The following ZMYND11 variants were observed in gnomAD, a reference collection of about 807,000 sequenced individuals.
ZMYND11 encodes the protein zinc finger MYND domain-containing protein 11.
In ZMYND11, 9 loss-of-function variants were observed where a neutral mutation model predicts 84.9. The ratio of observed to expected loss-of-function variants is 0.11; its 90% CI spans 0.06 to 0.18. The LOEUF (loss-of-function observed/expected upper bound fraction) is 0.18. Ranked by LOEUF, ZMYND11 falls within the 10% of genes least tolerant of loss-of-function variation. ZMYND11 has a pLI of 1.00. For missense variants in ZMYND11, 409 were observed against 761.0 expected (o/e 0.54, Z 5.44); for synonymous variants, 250 against 244.1 (o/e 1.02, Z -0.23).
chr10:241,508 T>TTCTC (rs1193129530), intron 9 of ZMYND11, among the ~76,000 whole-genome samples: 2 of 152,242 alleles, frequency 1.3e-5, no homozygotes, highest in Admixed American at 1.3e-4. Flanking sequence ...GAATTTTTGT[T>TTCTC]TCTCCTTTCA....
intron 3 of ZMYND11, chr10:218,531 A>G (rs1039349646): frequency 9.1e-6 from 3 of 328,086 alleles, no homozygotes; most frequent in African/African-American, 4.5e-5. Flanking sequence ...TTATTTTACT[A>G]TAATTCTGCT....
At chr10:145,146 G>GTA (rs1169532759) in intron 1 of ZMYND11, among the ~76,000 whole-genome samples, 61 of 149,670 alleles carry the variant, frequency 4.1e-4, no homozygotes, top group Admixed American at 2.4e-3. Flanking sequence ...ATATATATGT[G>GTA]TATATATATA....
At chr10:204,866 A>G (rs947931981) in intron 2 of ZMYND11, among the ~76,000 whole-genome samples, 4 of 151,652 alleles carry the variant, frequency 2.6e-5, no homozygotes, top group Non-Finnish European at 5.9e-5. Flanking sequence ...CATTGAATAT[A>G]TTAATATTTA....
At chr10:251,390 A>G (rs916168807) in intron 14 of ZMYND11, among the ~76,000 whole-genome samples, 3 of 152,214 alleles carry the variant, frequency 2.0e-5, no homozygotes, top group Non-Finnish European at 4.4e-5. Flanking sequence ...CTGAAGGTGC[A>G]CTTGCTGACA....
At chr10:163,218 C>T (rs1843286236) in intron 1 of ZMYND11, among the ~76,000 whole-genome samples, 2 of 152,104 alleles carry the variant, frequency 1.3e-5, no homozygotes, top group Non-Finnish European at 2.9e-5. Flanking sequence ...TTTATGACCG[C>T]TCCCCATCAC....
In ZMYND11 at chr10:152,040, TG is replaced by T. The variant is rs567752359; in HGVS notation, c.-20+16482del. ...TGAGAGATTTTGTCACCACCAGGCC[TG>T]CCCTACAAGAGCTCCTGAAGGAAGC... is the stretch of plus-strand genomic sequence containing the variant. On this transcript the variant is annotated intron_variant, in intron 1 of 14. Coordinates refer to ENST00000381604, the MANE Select transcript of ZMYND11 (RefSeq NM_001370100.5). Among the ~76,000 whole-genome samples, 21 of 152,314 alleles carry T rather than the reference TG, an allele frequency of 1.4e-4. 1 individual carries two copies. The South Asian group carries it at 4.4e-3, about 32-fold the overall frequency.
intron 1 of ZMYND11, among the ~76,000 whole-genome samples, chr10:139,253 T>C (rs1237464738): frequency 1.3e-5 from 2 of 152,210 alleles, no homozygotes; most frequent in Non-Finnish European, 2.9e-5. Flanking sequence ...TGGCACTCTG[T>C]CCATAACTGC....
chr10:155,489 A>C lies in ZMYND11; in HGVS notation c.-20+19930A>C, dbSNP rs899703812. Among the ~76,000 whole-genome samples, 3 of 152,314 alleles carry C rather than the reference A, an allele frequency of 2.0e-5. No homozygotes were observed. In the East Asian group the frequency reaches 5.8e-4, roughly 29 times the overall value. On this transcript the variant is annotated intron_variant, in intron 1 of 14. Transcript: ENST00000381604. ...TATAGTGAGACCCCATCTCTACCAA[A>C]ACAGCAACAACAATGAGAAACAAAA... is the stretch of plus-strand genomic sequence containing the variant.
At chr10:210,138 A>T (rs1944932449) in intron 3 of ZMYND11, 90 bp downstream of exon 3, 4 of 1,383,970 alleles carry the variant, frequency 2.9e-6, no homozygotes, top group Non-Finnish European at 4.0e-6. Context: ...TCATTTTCAG[A>T]AGTTTAATAT....
chr10:202,635 T>C (rs767757675), intron 2 of ZMYND11, among the ~76,000 whole-genome samples: 17 of 152,306 alleles, frequency 1.1e-4, no homozygotes, highest in Non-Finnish European at 2.4e-4. Context: ...GTGTGCTAGT[T>C]GCGACTCATC....
At chr10:238,363 C>CT (rs35565073) in intron 6 of ZMYND11, among the ~76,000 whole-genome samples, 15,852 of 147,142 alleles carry the variant, frequency 0.11, 1,003 homozygotes, top group African/African-American at 0.19. Context: ...AGTTTCTTTT[C>CT]TTTTTTTTTT....
intron 4 of ZMYND11, among the ~76,000 whole-genome samples, chr10:222,404 A>T (rs1947280680): frequency 6.6e-6 from 1 of 152,184 alleles, no homozygotes; most frequent in South Asian, 2.1e-4. Context: ...CATTTTAAAA[A>T]ATGTTTAATG....
intron 14 of ZMYND11, chr10:249,655 C>T: frequency 1.0e-6 from 1 of 985,422 alleles, no homozygotes; most frequent in South Asian, 4.7e-5. Context: ...AGAGTGGGAG[C>T]TTCTGAGTGC....
At chr10:227,649 A>G (rs1948357382) in intron 4 of ZMYND11, among the ~76,000 whole-genome samples, 1 of 152,232 alleles carries the variant, frequency 6.6e-6, no homozygotes, top group Non-Finnish European at 1.5e-5. Context: ...CAGTCTTTTT[A>G]AATTCCAACA....
intron 1 of ZMYND11, among the ~76,000 whole-genome samples, chr10:173,588 TGGTG>T (rs1564315333): frequency 6.6e-6 from 1 of 152,090 alleles, no homozygotes; most frequent in Non-Finnish European, 1.5e-5. Flanking sequence ...CAGGGCATGG[TGGTG>T]CATGCCTGTA....
At chr10:239,225 G>T (rs1006473873) in intron 6 of ZMYND11, among the ~76,000 whole-genome samples, 1 of 152,172 alleles carries the variant, frequency 6.6e-6, no homozygotes, top group African/African-American at 2.4e-5. Flanking sequence ...TGTGGCTGCG[G>T]GATATCTGAC....
chr10:168,590 A>G (rs1260529534), intron 1 of ZMYND11, among the ~76,000 whole-genome samples: 3 of 152,190 alleles, frequency 2.0e-5, no homozygotes, highest in Non-Finnish European at 4.4e-5. Flanking sequence ...TCAAAAAGTG[A>G]TTCCATGGTT....
chr10:237,452 G>T, intron 5 of ZMYND11, 133 bp from the exon 6 acceptor site: 1 of 523,342 alleles, frequency 1.9e-6, no homozygotes, highest in Non-Finnish European at 3.2e-6. Flanking sequence ...AGACCAGCCT[G>T]GGCAAGATGG....
intron 1 of ZMYND11, among the ~76,000 whole-genome samples, chr10:169,860 C>T (rs1017101667): frequency 1.3e-5 from 2 of 151,930 alleles, no homozygotes; most frequent in African/African-American, 2.4e-5. Context: ...GAAGAAGGAG[C>T]GAAAGGGACA....
Sources: gnomAD v4.1 joint callset for allele counts (sites outside exome capture counted in the v4.1 genomes callset) on GRCh38, gnomAD v4.1.1 for gene constraint, MANE v1.5 for transcripts, NCBI Gene and HGNC (gene_info 2026-07-23, HGNC 2026-07-21) for gene names.